FAAH: variants seen among roughly 807,000 people sequenced by gnomAD.
FAAH encodes the protein fatty-acid amide hydrolase 1.
FAAH carries 63 observed loss-of-function variants against 69.7 expected under a neutral mutation model. The observed-to-expected ratio is 0.90, with a 90% CI of 0.74 to 1.12. FAAH has a LOEUF of 1.12. Among genes scored for constraint, FAAH ranks in the 50% most tolerant of loss-of-function variants. The probability of loss-of-function intolerance (pLI) is 0.00; values close to 1 mark genes in which losing one functional copy is unlikely to be tolerated. For missense variants in FAAH, 680 were observed against 755.0 expected (o/e 0.90, Z 1.16); for synonymous variants, 305 against 324.2 (o/e 0.94, Z 0.64).
chr1:46,409,297 A>G, intron 9 of FAAH, 99 bp downstream of exon 9: 1 of 943,186 alleles, frequency 1.1e-6, no homozygotes, highest in Non-Finnish European at 1.7e-6. Flanking sequence ...GCCTTAGCTG[A>G]ATCCAACAAA....
chr1:46,412,263 C>A lies in FAAH; in HGVS notation c.1465+12C>A, dbSNP rs200508034. ...AGGCAGGGCCACAGGTGAGGCCCGA[C>A]ACCCTGCCTGTCCCTTCTGTGAATC... On this transcript the variant is annotated intron_variant, in intron 13 of 14. Transcript: ENST00000243167. The A allele has an allele frequency of 6.5e-7, 1 of 1,541,796 alleles. No individual in the cohort carries two copies.
At chr1:46,397,843 A>G (rs12086460) in intron 1 of FAAH, among the ~76,000 whole-genome samples, 6,779 of 151,538 alleles carry the variant, frequency 0.045, 516 homozygotes, top group African/African-American at 0.15. Flanking sequence ...GATTATAGGC[A>G]TGAGCCACCG....
rs755315378 is a variant in FAAH, at chr1:46,394,346, A to T, written c.-3A>T. The T allele has an allele frequency of 1.3e-6, 2 of 1,560,754 alleles. No individual in the cohort carries two copies. The highest frequency in any genetic ancestry group is 1.8e-5 in the Admixed American group (1 of 55,412). ...CGGTAGGCAGCAGCAGGCTGAAGGG[A>T]TCATGGTGCAGTACGAGCTGTGGGC... On this transcript the variant is annotated 5_prime_UTR_variant, in exon 1 of 15. Coordinates refer to ENST00000243167, the MANE Select transcript of FAAH (RefSeq NM_001441.3).
chr1:46,409,323 G>T (rs1386731320), intron 9 of FAAH, 125 bp downstream of exon 9: 3 of 778,366 alleles, frequency 3.9e-6, no homozygotes, highest in Non-Finnish European at 6.8e-6. Flanking sequence ...GAGCACTCTG[G>T]GCAGGGACCT....
Position 46,413,097 on chromosome 1 carries a change from G to C in FAAH, c.1488G>C (p.Leu496=). 1.2e-6 allele frequency: 2 copies of C among 1,614,190 alleles called. No individual in the cohort carries two copies. The highest frequency in any genetic ancestry group is 1.7e-6 in the Non-Finnish European group (2 of 1,180,010). Residue 496 remains leucine (L), a synonymous_variant, in exon 14 of 15, where the codon CTG becomes CTC. Transcript: ENST00000243167. ...CAGGGGCCGTCAGCTACACTATGCT[G>C]TACAACTGCCTGGACTTCCCTGCAG... is the stretch of plus-strand genomic sequence containing the variant. ...RATGAVSYTM[L]YNCLDFPAGV...
At chr1:46,406,783 TTAG>T (rs1664807273) in intron 7 of FAAH, among the ~76,000 whole-genome samples, 2 of 151,488 alleles carry the variant, frequency 1.3e-5, no homozygotes, top group Admixed American at 1.3e-4. Flanking sequence ...TTTTGTATTT[TTAG>T]TAGTAGAGAC....
chr1:46,399,424 C>G (rs1557756855), intron 1 of FAAH, among the ~76,000 whole-genome samples: 2 of 152,246 alleles, frequency 1.3e-5, no homozygotes, highest in South Asian at 4.1e-4. Flanking sequence ...CTGCCTGACA[C>G]TAGTTGAAGA....
rs1664784725 is a variant in FAAH, at chr1:46,405,863, G to C, written c.785+69G>C. On this transcript the variant is annotated intron_variant, in intron 5 of 14. Coordinates refer to ENST00000243167, the MANE Select transcript of FAAH (RefSeq NM_001441.3). This position sits in a 1 kb window ranked among gnomAD's most constrained non-coding sequence, Gnocchi z 4.1. ...CTTGGCCTAGCTTCCAACCTCTCTGGGCTCCAGGCGGGGATTCGGTCTCCG... is the reference window on the plus strand; with the variant it reads ...CTTGGCCTAGCTTCCAACCTCTCTGCGCTCCAGGCGGGGATTCGGTCTCCG... The C allele has an allele frequency of 1.2e-6, 2 of 1,606,196 alleles. No individual in the cohort carries two copies. Among genetic ancestry groups the C allele is most frequent in the Non-Finnish European group, 1.7e-6 (2 of 1,176,662 alleles).
rs1664884641 is a variant in FAAH, at chr1:46,410,142, A to G, written c.1176-256A>G. On this transcript the variant is annotated intron_variant, in intron 9 of 14. Transcript: ENST00000243167. The surrounding 1 kb of genome is among the most constrained non-coding windows in gnomAD (Gnocchi z 4.9). ...CAGGGAGATGTTGCCCTCAGTTCTT[A>G]GAGCTCTGAGCTGGGTTTGCTGGAG... is the stretch of plus-strand genomic sequence containing the variant. The G allele has an allele frequency of 2.1e-6, 1 of 479,410 alleles. No homozygotes were observed. Among genetic ancestry groups the G allele is most frequent in the South Asian group, 2.3e-5 (1 of 44,438 alleles). 29.7% of individuals were successfully genotyped at this position (479,410 alleles called of 1,614,324 possible).
intron 7 of FAAH, among the ~76,000 whole-genome samples, chr1:46,406,858 G>A (rs1331652227): frequency 2.0e-5 from 3 of 151,782 alleles, no homozygotes; most frequent in African/African-American, 7.3e-5. Context: ...CGCCCGCCTC[G>A]GCCTCCCAAA....
At chr1:46,408,724 A>C in intron 8 of FAAH, 140 bp downstream of exon 8, 1 of 1,285,152 alleles carries the variant, frequency 7.8e-7, no homozygotes, top group Non-Finnish European at 1.1e-6. Flanking sequence ...CTGTGGGACA[A>C]GTATATAGAG....
Position 46,410,423 on chromosome 1 carries a change from C to T in FAAH, c.1201C>T (p.Leu401=). ...NFKGDFVDPC[L]GDLVSILKLP... ...CAAAGGTGATTTCGTGGACCCCTGC[C>T]TGGGGGACCTGGTCTCAATTCTGAA... The change falls in exon 10 of 15, where the codon CTG becomes TTG. Residue 401 remains leucine (L), a synonymous_variant. Transcript: ENST00000243167. The surrounding 1 kb of genome is among the most constrained non-coding windows in gnomAD (Gnocchi z 4.9). The T allele has an allele frequency of 6.2e-7, 1 of 1,614,144 alleles. No individual in the cohort carries two copies. The highest frequency in any genetic ancestry group is 8.5e-7 in the Non-Finnish European group (1 of 1,180,004).
chr1:46,406,104 C>T (rs1664789745), intron 6 of FAAH, 26 bp downstream of exon 6: 1 of 1,614,132 alleles, frequency 6.2e-7, no homozygotes, highest in Non-Finnish European at 8.5e-7. Context: ...CTCTCAGTGC[C>T]CCGAGGAGGG....
rs201882285 is a variant in FAAH at position 46,405,051 on chromosome 1, C to T, written c.347C>T (p.Ser116Phe). The change falls in exon 3 of 15, where the codon TCC becomes TTC. Residue 116 changes from serine (S) to phenylalanine (F), a missense_variant. Ser to Phe is a radical substitution (Grantham distance 155). Transcript: ENST00000243167. This position sits in a 1 kb window ranked among gnomAD's most constrained non-coding sequence, Gnocchi z 4.1. ...AACAAAGGGACCAACTGTGTGACCT[C>T]CTATCTGGCTGACTGTGAGACTCAG... ...EVNKGTNCVT[S>F]YLADCETQLS... 11 of 1,614,004 alleles carry T rather than the reference C, an allele frequency of 6.8e-6. No individual in the cohort carries two copies. In the African/African-American group the frequency reaches 8.0e-5, roughly 12 times the overall value.
Position 46,412,234 on chromosome 1 carries a change from C to G in FAAH, c.1448C>G (p.Ala483Gly), listed in dbSNP as rs886081281. The change falls in exon 13 of 15, where the codon GCC becomes GGC. Residue 483 changes from alanine to glycine, a missense_variant. Physicochemically the swap from Ala to Gly is moderately conservative, Grantham distance 60. Coordinates refer to ENST00000243167, the MANE Select transcript of FAAH (RefSeq NM_001441.3). ...CTGGCCCCTGCTCTGGACTTGAATG[C>G]CCCAGGCAGGGCCACAGGTGAGGCC... ...PMLAPALDLN[A>G]PGRATGAVSY... The G allele has an allele frequency of 1.3e-6, 2 of 1,553,424 alleles. No individual in the cohort carries two copies. Among genetic ancestry groups the G allele is most frequent in the African/African-American group, 2.7e-5 (2 of 73,130 alleles).
In FAAH at chr1:46,394,539, T is replaced by TG; in HGVS notation, c.191_192insG (p.Gln65ProfsTer25). ...GACAGGGCGGCGCAGCGCTTCCGGC[T>TG]CCAGGTGACTGCCGGAGCGTAGTGG... On this transcript the variant is annotated frameshift_variant, in exon 1 of 15. Coordinates refer to ENST00000243167, the MANE Select transcript of FAAH (RefSeq NM_001441.3). LOFTEE classifies it high-confidence loss of function. The TG allele has an allele frequency of 1.5e-6, 2 of 1,357,766 alleles. No individual in the cohort carries two copies. The highest frequency in any genetic ancestry group is 1.9e-6 in the Non-Finnish European group (2 of 1,062,256). 84.1% of individuals were successfully genotyped at this position (1,357,766 alleles called of 1,614,324 possible).
rs1664777439 is a variant in FAAH at position 46,405,569 on chromosome 1, C to T, written c.579-19C>T. The T allele has an allele frequency of 1.2e-6, 2 of 1,613,158 alleles. No individual in the cohort carries two copies. The highest frequency in any genetic ancestry group is 1.7e-6 in the Non-Finnish European group (2 of 1,180,030). On this transcript the variant is annotated intron_variant, in intron 4 of 14. Transcript: ENST00000243167. This position sits in a 1 kb window ranked among gnomAD's most constrained non-coding sequence, Gnocchi z 4.1. ...CGGTCCCAGCATGGCACGGGCTGAC[C>T]CATTCTTGGCTCCTCCAGCTATGAC... is the stretch of plus-strand genomic sequence containing the variant.
chr1:46,398,766 C>T (rs1664645505), intron 1 of FAAH, among the ~76,000 whole-genome samples: 1 of 152,120 alleles, frequency 6.6e-6, no homozygotes, highest in African/African-American at 2.4e-5. Flanking sequence ...AACTCCTGAC[C>T]TCAGGTGATC....
intron 1 of FAAH, 76 bp downstream of exon 1, chr1:46,394,619 G>C: frequency 8.3e-7 from 1 of 1,205,392 alleles, no homozygotes; most frequent in South Asian, 3.0e-5. Context: ...CGGACCCGCC[G>C]AGGGACAGGG....
Sources: allele counts gnomAD v4.1 joint callset (sites outside exome capture counted in the v4.1 genomes callset), GRCh38; gene constraint gnomAD v4.1.1; non-coding constraint Gnocchi (gnomAD v3.1); transcripts MANE v1.5; gene names NCBI Gene and HGNC (gene_info 2026-07-23, HGNC 2026-07-21).